The following EFCAB6 variants were observed in gnomAD, a reference collection of about 807,000 sequenced individuals.
The protein encoded by EFCAB6 is EF-hand calcium binding domain 6.
EFCAB6 carries 156 observed loss-of-function variants against 169.8 expected under a neutral mutation model. The observed-to-expected ratio is 0.92, with a 90% CI of 0.81 to 1.05. EFCAB6 has a LOEUF of 1.05. Among genes scored for constraint, EFCAB6 ranks in the 50% least tolerant of loss-of-function variants. The pLI is 0.00. For missense variants in EFCAB6, 1,800 were observed against 1,829.1 expected (o/e 0.98, Z 0.29); for synonymous variants, 698 against 676.4 (o/e 1.03, Z -0.50).
chr22:43,624,563 G>A (rs1046870318), intron 20 of EFCAB6, among the ~76,000 whole-genome samples: 1 of 152,106 alleles, frequency 6.6e-6, no homozygotes, highest in African/African-American at 2.4e-5. Flanking sequence ...CCCTGGCCTG[G>A]AATGACCTTT....
intron 24 of EFCAB6, among the ~76,000 whole-genome samples, chr22:43,583,491 AAAC>A (rs1487178051): frequency 6.6e-6 from 1 of 152,132 alleles, no homozygotes; most frequent in Non-Finnish European, 1.5e-5. Flanking sequence ...AAACTCCAGG[AAAC>A]AACCTATCCA....
In EFCAB6 at chr22:43,742,763, C is replaced by T. The variant is rs532161774; in HGVS notation, c.508-6770G>A. ...TGCTAGCCCTGTGCGTGAGCAGGTG[C>T]TGCCCTCCCGGCACCCCCACTGCAC... On this transcript the variant is annotated intron_variant, in intron 6 of 31. Coordinates refer to ENST00000262726, the MANE Select transcript of EFCAB6 (RefSeq NM_022785.4). Among the ~76,000 whole-genome samples the T allele has an allele frequency of 9.3e-4, 142 of 152,376 alleles. 1 individual carries two copies. Among genetic ancestry groups the T allele is most frequent in the Non-Finnish European group, 1.8e-3 (125 of 68,040 alleles).
intron 26 of EFCAB6, among the ~76,000 whole-genome samples, chr22:43,559,661 A>G (rs574333256): frequency 2.0e-5 from 3 of 152,356 alleles, no homozygotes; most frequent in African/African-American, 7.2e-5. Flanking sequence ...GCACATACAC[A>G]CCACGGAATA....
chr22:43,684,418 C>G (rs547298000), intron 11 of EFCAB6, among the ~76,000 whole-genome samples: 3 of 152,210 alleles, frequency 2.0e-5, no homozygotes, highest in African/African-American at 7.2e-5. Context: ...TCCTGAAGGC[C>G]AGGACTACCC....
intron 10 of EFCAB6, among the ~76,000 whole-genome samples, chr22:43,707,766 T>C (rs972799922): frequency 6.6e-6 from 1 of 152,022 alleles, no homozygotes; most frequent in African/African-American, 2.4e-5. Flanking sequence ...CTCAGGAAAT[T>C]GACTCCAGAA....
intron 10 of EFCAB6, among the ~76,000 whole-genome samples, chr22:43,690,225 C>T (rs1048114181): frequency 1.3e-5 from 2 of 151,786 alleles, no homozygotes; most frequent in African/African-American, 2.4e-5. Context: ...CCGGGCTGGG[C>T]GCGGTGGCTC....
intron 27 of EFCAB6, among the ~76,000 whole-genome samples, chr22:43,550,772 T>C (rs137157): frequency 0.034 from 5,219 of 152,122 alleles, 131 homozygotes; most frequent in Non-Finnish European, 0.05. Context: ...CTGATCTAAA[T>C]GCTTTGCAAA....
In EFCAB6 at chr22:43,669,575, T is replaced by C. The variant is rs541445418; in HGVS notation, c.1641-530A>G. 2.6e-5 allele frequency among the ~76,000 whole-genome samples: 4 copies of C among 151,188 alleles called. No homozygotes were observed. In the East Asian group the frequency reaches 7.8e-4, roughly 30 times the overall value. The stretch of plus-strand genomic sequence containing the variant: ...GTTTCGTGGAGGTGGGAGGAGGGAG[T>C]GATGATGAATTGCTAAAGGGCATAT... On this transcript the variant is annotated intron_variant, in intron 15 of 31. Transcript: ENST00000262726.
At chr22:43,546,512 G>A (rs2048066197) in intron 27 of EFCAB6, among the ~76,000 whole-genome samples, 1 of 152,124 alleles carries the variant, frequency 6.6e-6, no homozygotes, top group Non-Finnish European at 1.5e-5. Flanking sequence ...AAAATTGAGA[G>A]GAAATCACTG....
intron 21 of EFCAB6, among the ~76,000 whole-genome samples, chr22:43,610,887 A>T (rs1373822671): frequency 6.6e-6 from 1 of 152,218 alleles, no homozygotes; most frequent in East Asian, 1.9e-4. Flanking sequence ...ACTCTTTTTA[A>T]ATCATAAGAC....
intron 17 of EFCAB6, among the ~76,000 whole-genome samples, chr22:43,653,129 G>A (rs2056560538): frequency 6.6e-6 from 1 of 152,158 alleles, no homozygotes; most frequent in African/African-American, 2.4e-5. Context: ...TCCAGGGAGG[G>A]AGGAGAGAAT....
chr22:43,772,018 C>T (rs1001468173), intron 4 of EFCAB6, among the ~76,000 whole-genome samples: 2 of 152,136 alleles, frequency 1.3e-5, no homozygotes, highest in African/African-American at 4.8e-5. Flanking sequence ...ATACTCACTC[C>T]TTCGTCAAAA....
chr22:43,648,506 T>C (rs137748), intron 17 of EFCAB6, among the ~76,000 whole-genome samples: 90,406 of 151,974 alleles, frequency 0.59, 27,330 homozygotes, highest in East Asian at 0.77. Context: ...GAGCTAAGCA[T>C]TGAGTACACA....
chr22:43,690,343 CAAAAAAAAA>C (rs137802), intron 10 of EFCAB6, among the ~76,000 whole-genome samples: 15,631 of 95,926 alleles, frequency 0.16, 949 homozygotes, highest in Admixed American at 0.21. Flanking sequence ...ACTAAAAATA[CAAAAAAAAA>C]AAAAAAAAAA....
intron 2 of EFCAB6, among the ~76,000 whole-genome samples, chr22:43,790,686 AG>A (rs570723208): frequency 1.4e-3 from 217 of 152,350 alleles, no homozygotes; most frequent in African/African-American, 4.3e-3. Context: ...GTTAGTGCAG[AG>A]GAGATGATCT....
At chr22:43,671,685 T>G (rs1477140815) in intron 15 of EFCAB6, among the ~76,000 whole-genome samples, 1 of 152,166 alleles carries the variant, frequency 6.6e-6, no homozygotes, top group African/African-American at 2.4e-5. Flanking sequence ...GCCTCACAAC[T>G]CACCAGCTGT....
At chr22:43,751,090 A>G (rs187283407) in intron 6 of EFCAB6, among the ~76,000 whole-genome samples, 1 of 152,346 alleles carries the variant, frequency 6.6e-6, no homozygotes, top group East Asian at 1.9e-4. Flanking sequence ...GGGTAGTGAC[A>G]CGGTACAAGA....
At chr22:43,740,216 C>T (rs1297748714) in intron 6 of EFCAB6, among the ~76,000 whole-genome samples, 1 of 152,168 alleles carries the variant, frequency 6.6e-6, no homozygotes, top group East Asian at 1.9e-4. Flanking sequence ...CTCCTCACCC[C>T]CAATCCTCTT....
intron 19 of EFCAB6, among the ~76,000 whole-genome samples, chr22:43,630,206 G>A (rs773436551): frequency 3.9e-5 from 6 of 152,268 alleles, no homozygotes; most frequent in Middle Eastern, 3.4e-3. Flanking sequence ...TCCACTTTGC[G>A]TATACCTGCA....
Sources: allele counts gnomAD v4.1 joint callset (sites outside exome capture counted in the v4.1 genomes callset), GRCh38; gene constraint gnomAD v4.1.1; transcripts MANE v1.5; gene names NCBI Gene and HGNC (gene_info 2026-07-23, HGNC 2026-07-21).